The following OCA2 variants were observed in gnomAD, a reference collection of about 807,000 sequenced individuals.
OCA2 encodes the protein OCA2 melanosomal transmembrane protein.
A neutral mutation model predicts 100.2 loss-of-function variants in OCA2; 77 were observed. The ratio of observed to expected loss-of-function variants is 0.77; its 90% CI spans 0.64 to 0.93. The LOEUF is 0.93. Ranked by LOEUF, OCA2 falls within the 40% of genes least tolerant of loss-of-function variation. OCA2 has a pLI of 0.00. For missense variants in OCA2, 1,062 were observed against 1,089.1 expected (o/e 0.98, Z 0.35); for synonymous variants, 432 against 439.2 (o/e 0.98, Z 0.21).
At chr15:27,851,129 A>G (rs1263824527) in intron 22 of OCA2, among the ~76,000 whole-genome samples, 1 of 152,210 alleles carries the variant, frequency 6.6e-6, no homozygotes, top group South Asian at 2.1e-4. Context: ...GCGGGAACAC[A>G]TTAGCTGTGA....
intron 22 of OCA2, among the ~76,000 whole-genome samples, chr15:27,846,998 T>C (rs886191202): frequency 1.3e-5 from 2 of 152,146 alleles, no homozygotes; most frequent in Admixed American, 6.5e-5. Context: ...GAGTGTCGTG[T>C]GGGTGACACC....
intron 22 of OCA2, 45 bp downstream of exon 22, chr15:27,851,337 G>A (rs747937768): frequency 1.3e-6 from 2 of 1,488,592 alleles, no homozygotes; most frequent in Non-Finnish European, 1.9e-6. Flanking sequence ...CTGAACCACA[G>A]TGTGGGCGTG....
chr15:28,026,822 C>T (rs2042762721), intron 4 of OCA2, among the ~76,000 whole-genome samples: 1 of 152,150 alleles, frequency 6.6e-6, no homozygotes, highest in South Asian at 2.1e-4. Context: ...AAAGACTGGT[C>T]CCCACACACA....
At chr15:27,914,522 T>C (rs1292454163) in intron 19 of OCA2, among the ~76,000 whole-genome samples, 2 of 151,948 alleles carry the variant, frequency 1.3e-5, no homozygotes, top group African/African-American at 4.8e-5. Flanking sequence ...AATTTCAGGA[T>C]ACAAAATCAA....
chr15:27,767,917 A>T (rs1443972913), intron 23 of OCA2, among the ~76,000 whole-genome samples: 1 of 152,224 alleles, frequency 6.6e-6, no homozygotes, highest in East Asian at 1.9e-4. Context: ...TACTGGAGTC[A>T]GAGGGGTCGC....
intron 23 of OCA2, among the ~76,000 whole-genome samples, chr15:27,828,376 C>T (rs879702582): frequency 1.3e-5 from 2 of 152,212 alleles, no homozygotes; most frequent in Admixed American, 6.5e-5. Flanking sequence ...TACTGTGGGG[C>T]TCCCCTCTGA....
intron 9 of OCA2, among the ~76,000 whole-genome samples, chr15:28,000,751 A>C (rs548980320): frequency 6.6e-6 from 1 of 152,352 alleles, no homozygotes; most frequent in South Asian, 2.1e-4. Flanking sequence ...TAAGGAACTC[A>C]TACGAATCAA....
At chr15:28,044,332 C>T (rs905369082) in intron 2 of OCA2, among the ~76,000 whole-genome samples, 11 of 152,196 alleles carry the variant, frequency 7.2e-5, no homozygotes, top group African/African-American at 2.2e-4. Context: ...TAGGTAGACT[C>T]TGCCAGTGAC....
chr15:27,887,814 G>C (rs2151579080), intron 19 of OCA2, among the ~76,000 whole-genome samples: 1 of 151,154 alleles, frequency 6.6e-6, no homozygotes, highest in African/African-American at 2.4e-5. Context: ...TCCTCCCTTG[G>C]ATGAAACAAT....
intron 2 of OCA2, among the ~76,000 whole-genome samples, chr15:28,070,284 G>A (rs1277565160): frequency 0.044 from 6,134 of 138,262 alleles, 199 homozygotes; most frequent in African/African-American, 0.16. Flanking sequence ...GTCTCCGCCC[G>A]GCAGCCACCC....
intron 6 of OCA2, among the ~76,000 whole-genome samples, chr15:28,021,413 C>G (rs1384326787): frequency 2.0e-5 from 3 of 152,228 alleles, no homozygotes; most frequent in African/African-American, 4.8e-5. Context: ...CGCCTGAAAC[C>G]TAGAGCAAAA....
At chr15:27,887,995 G>A (rs149925340) in intron 19 of OCA2, among the ~76,000 whole-genome samples, 1 of 152,268 alleles carries the variant, frequency 6.6e-6, no homozygotes, top group African/African-American at 2.4e-5. Context: ...AGACACCCAG[G>A]TCAAGAGCCA....
At chr15:28,001,286 C>T (rs774047171) in intron 9 of OCA2, among the ~76,000 whole-genome samples, 6 of 152,142 alleles carry the variant, frequency 3.9e-5, no homozygotes, top group Non-Finnish European at 7.3e-5. Flanking sequence ...CACATACACA[C>T]ACAAATAGAA....
rs544146302 is a variant in OCA2 at position 27,986,646 on chromosome 15, A to G, written c.1183-3T>C. The G allele has an allele frequency of 2.4e-5, 37 of 1,570,510 alleles. No homozygotes were observed. The African/African-American group carries it at 4.3e-4, about 18-fold the overall frequency. ...GAAAATATGGCTACTAAGATCATCT[A>G]TGGGGAAAAGAAGAAGACAAGGATA... On this transcript the variant is annotated splice_polypyrimidine_tract_variant and splice_region_variant and intron_variant, in intron 11 of 23. Coordinates refer to ENST00000354638, the MANE Select transcript of OCA2 (RefSeq NM_000275.3).
intron 23 of OCA2, among the ~76,000 whole-genome samples, chr15:27,774,871 C>A (rs1249086991): frequency 6.6e-6 from 1 of 152,126 alleles, no homozygotes; most frequent in Non-Finnish European, 1.5e-5. Flanking sequence ...GAGAACCAGC[C>A]CTCCTGGCAC....
intron 19 of OCA2, among the ~76,000 whole-genome samples, chr15:27,916,984 C>A (rs927688689): frequency 6.6e-6 from 1 of 151,944 alleles, no homozygotes; most frequent in African/African-American, 2.4e-5. Context: ...AGATGCAAAA[C>A]GAGAGATGAA....
At chr15:27,907,639 A>G (rs1202885337) in intron 19 of OCA2, among the ~76,000 whole-genome samples, 1 of 152,188 alleles carries the variant, frequency 6.6e-6, no homozygotes, top group East Asian at 1.9e-4. Flanking sequence ...AGGGGGAAAA[A>G]GCACAAATAT....
intron 21 of OCA2, among the ~76,000 whole-genome samples, chr15:27,867,034 T>A (rs1035632256): frequency 4.6e-5 from 7 of 152,234 alleles, no homozygotes; most frequent in African/African-American, 1.7e-4. Flanking sequence ...GCTGGGGGCT[T>A]GTGGGCAGCC....
At chr15:27,809,688 T>C (rs2033998066) in intron 23 of OCA2, among the ~76,000 whole-genome samples, 2 of 152,226 alleles carry the variant, frequency 1.3e-5, no homozygotes, top group South Asian at 4.1e-4. Flanking sequence ...ACAAAGTCAA[T>C]GTATACAAAT....
Sources: gnomAD v4.1 joint callset for allele counts (sites outside exome capture counted in the v4.1 genomes callset) on GRCh38, gnomAD v4.1.1 for gene constraint, MANE v1.5 for transcripts, NCBI Gene and HGNC (gene_info 2026-07-23, HGNC 2026-07-21) for gene names.